ISL1: variants seen among roughly 807,000 people sequenced by gnomAD.
The protein encoded by ISL1 is insulin gene enhancer protein ISL-1.
Under a neutral mutation model 35.3 loss-of-function variants are expected in ISL1, and 4 were observed. The observed-to-expected ratio is 0.11, with a 90% confidence interval of 0.06 to 0.26. The LOEUF (loss-of-function observed/expected upper bound fraction) is 0.26, where lower values mean the gene tolerates loss of function less well. Ranked by LOEUF, ISL1 falls within the 10% of genes least tolerant of loss-of-function variation. ISL1 has a pLI of 1.00. For synonymous variants in ISL1, 186 were observed against 172.3 expected, an observed-to-expected ratio of 1.08 and a Z score of -0.62; for missense variants, 340 against 472.8, an observed-to-expected ratio of 0.72 and a Z score of 2.60.
rs1747367541 is a variant in ISL1 at position 51,387,303 on chromosome 5, G to C, written c.219-187G>C. Among the ~76,000 whole-genome samples the C allele has an allele frequency of 6.6e-6, 1 of 152,160 alleles. No homozygotes were observed. Among genetic ancestry groups the C allele is most frequent in the Non-Finnish European group, 1.5e-5 (1 of 68,024 alleles). ...AAAGAGAGATGGGGGAAGGAAGAGA[G>C]ACAGGGAAGGAGAGAGCAGGGTTTC... On this transcript the variant is annotated intron_variant, in intron 2 of 5. Transcript: ENST00000230658. The surrounding 1 kb of genome is among the most constrained non-coding windows in gnomAD (Gnocchi z 4.3).
At position 51,394,150 on chromosome 5, in the gene ISL1, T is replaced by G. The variant is rs925016540; in HGVS notation, c.*540T>G. 1.9e-5 allele frequency: 3 copies of G among 157,598 alleles called. No homozygotes were observed. The East Asian group carries it at 5.6e-4, about 29-fold the overall frequency. 9.8% of individuals were successfully genotyped at this position (157,598 alleles called of 1,614,324 possible). On this transcript the variant is annotated 3_prime_UTR_variant, in exon 6 of 6. Coordinates refer to ENST00000230658, the MANE Select transcript of ISL1 (RefSeq NM_002202.3). ...GTTTAAAGTTGACTTTAACAAGGGG[T>G]TAATTGAAATCCTGGGTCTCTTGGC...
At chr5:51,386,945 G>A (rs575181843) in intron 2 of ISL1, among the ~76,000 whole-genome samples, 2 of 152,280 alleles carry the variant, frequency 1.3e-5, no homozygotes, top group East Asian at 1.9e-4. Context: ...TTTGCAAACC[G>A]AGTGGGGTGA....
At chr5:51,388,164 C>T (rs1199341639) in intron 3 of ISL1, among the ~76,000 whole-genome samples, 4 of 152,264 alleles carry the variant, frequency 2.6e-5, no homozygotes, top group Non-Finnish European at 5.9e-5. Context: ...ATCCTTTAAC[C>T]CAATGAAGGA....
In ISL1 at chr5:51,390,656, T is replaced by G. The variant is rs1314105162; in HGVS notation, c.766-618T>G. Among the ~76,000 whole-genome samples, 11 of 124,570 alleles carry G rather than the reference T, an allele frequency of 8.8e-5. 1 individual carries two copies. The highest frequency in any genetic ancestry group is 2.9e-4 in the African/African-American group (10 of 34,624). The allele number at this position is 124,570 out of a possible 152,430, so 81.7% of individuals were successfully genotyped here. ...TCTTTCTTTTTCTTTTTTTTTTTTT[T>G]TTTTTTTTTTTTTTTTTTTTTTTTA... On this transcript the variant is annotated intron_variant, in intron 4 of 5. Transcript: ENST00000230658.
chr5:51,384,957 G>A lies in ISL1; in HGVS notation c.218+227G>A, dbSNP rs1241609062. Reference sequence around the variant, plus strand: ...TAACAGTGGTATTCATAATTCCGGGGTATTGAGGCTTGTTTAATTACTCTT... The same window carrying A: ...TAACAGTGGTATTCATAATTCCGGGATATTGAGGCTTGTTTAATTACTCTT... On this transcript the variant is annotated intron_variant, in intron 2 of 5. Transcript: ENST00000230658. Among the ~76,000 whole-genome samples the A allele has an allele frequency of 5.3e-5, 8 of 152,128 alleles. 1 individual carries two copies. Among genetic ancestry groups the A allele is most frequent in the Non-Finnish European group, 7.4e-5 (5 of 68,018 alleles).
Position 51,389,657 on chromosome 5 carries a change from T to G in ISL1, c.490T>G (p.Ser164Ala). 6.2e-7 allele frequency: 1 copy of G among 1,609,534 alleles called. No individual in the cohort carries two copies. The highest frequency in any genetic ancestry group is 8.5e-7 in the Non-Finnish European group (1 of 1,179,458). The change falls in exon 4 of 6, where the codon TCC becomes GCC. Residue 164 changes from serine (S) to alanine (A), a missense_variant. Around this residue, in one of 7 missense-constraint regions of ISL1, gnomAD observed 94 missense variants for 102.1 expected, o/e 0.92. Transcript: ENST00000230658. This position sits in a 1 kb window ranked among gnomAD's most constrained non-coding sequence, Gnocchi z 5.0. ...TCCTTGCCCCGCAGCGGAGCCCATC[T>G]CCGCCAGGCAGCCAGCCCTGCGGCC... ...RPLQMAAEPISARQPALRPHV... is the reference protein window; with the variant it reads ...RPLQMAAEPIAARQPALRPHV...
At chr5:51,390,610 CT>C (rs1489684529) in intron 4 of ISL1, among the ~76,000 whole-genome samples, 2 of 94,844 alleles carry the variant, frequency 2.1e-5, no homozygotes, top group African/African-American at 7.1e-5. Flanking sequence ...GCTAGAGTTT[CT>C]TTTCTTCCTT....
chr5:51,392,307 A>AT lies in ISL1; in HGVS notation c.933+875dup, dbSNP rs202082584. ...GTAATATGCTATATTTATATAGATG[A>AT]TTTTTTTTTCTTAAAGAGTAATCAG... On this transcript the variant is annotated intron_variant, in intron 5 of 5. Coordinates refer to ENST00000230658, the MANE Select transcript of ISL1 (RefSeq NM_002202.3). Among the ~76,000 whole-genome samples the AT allele has an allele frequency of 5.7e-4, 87 of 151,928 alleles. 1 individual carries two copies. Among genetic ancestry groups the AT allele is most frequent in the Admixed American group, 2.4e-3 (36 of 15,268 alleles).
chr5:51,391,743 G>A (rs571014960), intron 5 of ISL1, among the ~76,000 whole-genome samples: 1 of 152,084 alleles, frequency 6.6e-6, no homozygotes, highest in South Asian at 2.1e-4. Context: ...GCCAGAAGAT[G>A]TACAGTGTTG....
rs1426441510 is a variant in ISL1, at chr5:51,387,951, C to G, written c.478+202C>G. 5.3e-5 allele frequency among the ~76,000 whole-genome samples: 8 copies of G among 152,264 alleles called. No individual in the cohort carries two copies. The highest frequency in any genetic ancestry group is 1.9e-4 in the African/African-American group (8 of 41,482). ...TCACTGTCTCCCTTGATTCCCCGAGCACACCTACACCGTCTGTGTGTCTCT... is the reference window on the plus strand; with the variant it reads ...TCACTGTCTCCCTTGATTCCCCGAGGACACCTACACCGTCTGTGTGTCTCT... On this transcript the variant is annotated intron_variant, in intron 3 of 5. Coordinates refer to ENST00000230658, the MANE Select transcript of ISL1 (RefSeq NM_002202.3). This position sits in a 1 kb window ranked among gnomAD's most constrained non-coding sequence, Gnocchi z 4.3.
At chr5:51,385,522 C>A (rs569097347) in intron 2 of ISL1, among the ~76,000 whole-genome samples, 49 of 151,584 alleles carry the variant, frequency 3.2e-4, no homozygotes, top group African/African-American at 1.2e-3. Context: ...TCCAAATTGA[C>A]AAGACTGAAA....
rs982267901 is a variant in ISL1 at position 51,386,763 on chromosome 5, A to AT, written c.219-720dup. 9.1e-5 allele frequency: 34 copies of AT among 374,466 alleles called. No homozygotes were observed. In the Admixed American group the frequency reaches 9.1e-4, roughly 10 times the overall value. The allele number at this position is 374,466 out of a possible 1,614,324, so 23.2% of individuals were successfully genotyped here. A position where few individuals can be genotyped will look rare whatever the true frequency, so the allele number is the denominator to read the frequency against. ...AAAAAGATTGAGGGAACAGACGCAG[A>AT]TTTTTTTAAAAAAATAATAATACAA... On this transcript the variant is annotated intron_variant, in intron 2 of 5. Transcript: ENST00000230658.
intron 4 of ISL1, 118 bp downstream of exon 4, chr5:51,390,050 GC>G: frequency 8.2e-7 from 1 of 1,213,140 alleles, no homozygotes; most frequent in Non-Finnish European, 1.2e-6. Context: ...CAGGAGTTTG[GC>G]CGGGGCTGCC....
chr5:51,391,179 T>TAATA, intron 4 of ISL1, 95 bp from the exon 5 acceptor site: 1 of 1,213,708 alleles, frequency 8.2e-7, no homozygotes, highest in Non-Finnish European at 1.2e-6. Flanking sequence ...ATAGATAAGA[T>TAATA]AATACCAGGG....
rs1747300335 is a variant in ISL1 at position 51,384,650 on chromosome 5, G to A, written c.138G>A (p.Ala46=). The A allele has an allele frequency of 1.9e-6, 3 of 1,614,092 alleles. No homozygotes were observed. The highest frequency in any genetic ancestry group is 2.2e-5 in the East Asian group (1 of 44,864). ...GGCATGCGGCATGTTTGAAATGTGC[G>A]GAGTGTAATCAGTATTTGGACGAGA... is the stretch of plus-strand genomic sequence containing the variant. ...LEWHAACLKC[A]ECNQYLDESC... is the part of the protein sequence containing the mutation. The change falls in exon 2 of 6, where the codon GCG becomes GCA. Residue 46 remains alanine, a synonymous_variant. Coordinates refer to ENST00000230658, the MANE Select transcript of ISL1 (RefSeq NM_002202.3).
chr5:51,388,029 C>G (rs1301922468), intron 3 of ISL1, among the ~76,000 whole-genome samples: 2 of 152,238 alleles, frequency 1.3e-5, no homozygotes, highest in Non-Finnish European at 1.5e-5. Context: ...TACACACGCC[C>G]AAACATTACT....
intron 1 of ISL1, 74 bp from the exon 2 acceptor site, chr5:51,384,467 G>A (rs1561205664): frequency 7.4e-7 from 1 of 1,349,170 alleles, no homozygotes; most frequent in East Asian, 2.3e-5. Context: ...CCCTATAAGA[G>A]AACGACACTA....
chr5:51,392,877 G>C (rs1747551362), intron 5 of ISL1, among the ~76,000 whole-genome samples: 1 of 152,178 alleles, frequency 6.6e-6, no homozygotes, highest in South Asian at 2.1e-4. Flanking sequence ...AGGGTTAAAA[G>C]AAGGAGTCAG....
chr5:51,392,943 A>AAG (rs894151414), intron 5 of ISL1, among the ~76,000 whole-genome samples: 11 of 151,816 alleles, frequency 7.2e-5, no homozygotes, highest in African/African-American at 1.9e-4. Flanking sequence ...GCCTGATTTA[A>AAG]AGAGAGAGAG....
Sources: allele counts gnomAD v4.1 joint callset (sites outside exome capture counted in the v4.1 genomes callset), GRCh38; gene constraint gnomAD v4.1.1; regional missense constraint gnomAD v4.1.1; non-coding constraint Gnocchi (gnomAD v3.1); transcripts MANE v1.5; gene names NCBI Gene and HGNC (gene_info 2026-07-23, HGNC 2026-07-21).